The following BCAS3 variants were observed in gnomAD, a reference collection of about 807,000 sequenced individuals.
The protein encoded by BCAS3 is BCAS3 microtubule associated cell migration factor, also known as BCAS4/BCAS3 fusion.
A neutral mutation model predicts 116.1 loss-of-function variants in BCAS3; 53 were observed. The ratio of observed to expected loss-of-function variants is 0.46; its 90% CI spans 0.37 to 0.57. The LOEUF (loss-of-function observed/expected upper bound fraction) is 0.57, where lower values mean the gene tolerates loss of function less well. BCAS3 is among the 20% of genes least tolerant of loss of function. The pLI is 0.00. For synonymous variants in BCAS3, 391 were observed against 408.2 expected, an observed-to-expected ratio of 0.96 and a Z score of 0.51; for missense variants, 917 against 1,165.4, an observed-to-expected ratio of 0.79 and a Z score of 3.10.
At position 61,368,477 on chromosome 17, in the gene BCAS3, T is replaced by A; in HGVS notation, c.2576T>A (p.Val859Asp). Residue 859 changes from valine to aspartate, a missense_variant, in exon 23 of 24, where the codon GTC becomes GAC. Val to Asp is a radical substitution (Grantham distance 152). Around this residue, in one of 3 missense-constraint regions of BCAS3, gnomAD observed 109 missense variants for 122.8 expected, o/e 0.89. Coordinates refer to ENST00000407086, the MANE Select transcript of BCAS3 (RefSeq NM_017679.5). This position sits in a 1 kb window ranked among gnomAD's most constrained non-coding sequence, Gnocchi z 6.0. ...DAMAESPSRD[V>D]VGSGTELQRE... ...ATGGCCGAGTCACCTAGCCGGGACG[T>A]CGTGGGATCCGGAACAGGTAAAGGT... 6.2e-7 allele frequency: 1 copy of A among 1,607,610 alleles called. No homozygotes were observed. Among genetic ancestry groups the A allele is most frequent in the South Asian group, 1.1e-5 (1 of 90,820 alleles).
chr17:61,236,445 G>T (rs148801755), intron 22 of BCAS3, among the ~76,000 whole-genome samples: 2 of 152,210 alleles, frequency 1.3e-5, no homozygotes, highest in East Asian at 3.9e-4. Context: ...TCAGCCTCCT[G>T]AATAGCTGGG....
intron 7 of BCAS3, among the ~76,000 whole-genome samples, chr17:60,834,740 G>A (rs1311236728): frequency 6.6e-6 from 1 of 151,806 alleles, no homozygotes; most frequent in Non-Finnish European, 1.5e-5. Context: ...CTATGGTTGT[G>A]TGTATCTGTT....
intron 3 of BCAS3, among the ~76,000 whole-genome samples, chr17:60,688,355 A>G (rs2034362272): frequency 6.6e-6 from 1 of 152,054 alleles, no homozygotes; most frequent in South Asian, 2.1e-4. Context: ...GCTGGAGTAC[A>G]GTGGCACTAT....
intron 8 of BCAS3, among the ~76,000 whole-genome samples, chr17:60,872,461 A>AC: frequency 6.6e-6 from 1 of 150,578 alleles, no homozygotes; most frequent in South Asian, 2.1e-4. Flanking sequence ...ATACACACAC[A>AC]CCCCATATAT....
Position 61,140,798 on chromosome 17 carries a change from C to G in BCAS3, c.2425+56234C>G, listed in dbSNP as rs554101702. On this transcript the variant is annotated intron_variant, in intron 22 of 23. Coordinates refer to ENST00000407086, the MANE Select transcript of BCAS3 (RefSeq NM_017679.5). This position sits in a 1 kb window ranked among gnomAD's most constrained non-coding sequence, Gnocchi z 4.2. The stretch of plus-strand genomic sequence containing the variant: ...ATGTTCTTTTCCTTATGAAATGACT[C>G]TATGACTTTGGGCACATTACAGATT... Among the ~76,000 whole-genome samples, 2 of 152,152 alleles carry G rather than the reference C, an allele frequency of 1.3e-5. No homozygotes were observed. Among genetic ancestry groups the G allele is most frequent in the Non-Finnish European group, 1.5e-5 (1 of 68,034 alleles).
chr17:60,795,716 G>A (rs2047156129), intron 6 of BCAS3, among the ~76,000 whole-genome samples: 1 of 152,146 alleles, frequency 6.6e-6, no homozygotes, highest in South Asian at 2.1e-4. Flanking sequence ...GTTTGGCGGA[G>A]TCTCGCTGTG....
rs1007688279 is a variant in BCAS3 at position 61,097,535 on chromosome 17, G to A, written c.2425+12971G>A. 6.6e-6 allele frequency among the ~76,000 whole-genome samples: 1 copy of A among 152,168 alleles called. No individual in the cohort carries two copies. Among genetic ancestry groups the A allele is most frequent in the Non-Finnish European group, 1.5e-5 (1 of 68,036 alleles). On this transcript the variant is annotated intron_variant, in intron 22 of 23. Coordinates refer to ENST00000407086, the MANE Select transcript of BCAS3 (RefSeq NM_017679.5). This position sits in a 1 kb window ranked among gnomAD's most constrained non-coding sequence, Gnocchi z 4.0. ...TTTGATAAAAAGAGAAATTGGAAAA[G>A]TAGCAGGGTGATTTTTAAGTTTCCT...
At position 61,041,748 on chromosome 17, in the gene BCAS3, CAG is replaced by C. The variant is rs1387027804; in HGVS notation, c.2029+858_2029+859del. The stretch of plus-strand genomic sequence containing the variant: ...AATGTGCTATATATTATACTGGAAA[CAG>C]AAATATTTTATAGACTTTGCTCTCA... On this transcript the variant is annotated intron_variant, in intron 19 of 23. Coordinates refer to ENST00000407086, the MANE Select transcript of BCAS3 (RefSeq NM_017679.5). This position sits in a 1 kb window ranked among gnomAD's most constrained non-coding sequence, Gnocchi z 4.7. Among the ~76,000 whole-genome samples the C allele has an allele frequency of 4.6e-5, 7 of 151,928 alleles. No individual in the cohort carries two copies. The highest frequency in any genetic ancestry group is 9.7e-5 in the African/African-American group (4 of 41,412).
chr17:61,177,720 C>T (rs1407446576), intron 22 of BCAS3, among the ~76,000 whole-genome samples: 2 of 152,152 alleles, frequency 1.3e-5, no homozygotes, highest in Admixed American at 1.3e-4. Context: ...ATTAAACTAT[C>T]AAAATATATT....
intron 23 of BCAS3, among the ~76,000 whole-genome samples, chr17:61,373,092 CTT>C (rs34754126): frequency 0.03 from 4,324 of 145,366 alleles, 204 homozygotes; most frequent in African/African-American, 0.1. Flanking sequence ...TAAAGTATTC[CTT>C]TTTTTTTTTT....
intron 16 of BCAS3, 142 bp downstream of exon 16, chr17:61,016,043 T>A (rs954340186): frequency 5.6e-6 from 5 of 887,916 alleles, no homozygotes; most frequent in Non-Finnish European, 8.6e-6. Flanking sequence ...TCAGATTAAG[T>A]ACAAAGCATA....
At position 60,981,310 on chromosome 17, in the gene BCAS3, C is replaced by T. The variant is rs534462605; in HGVS notation, c.1222-8661C>T. Among the ~76,000 whole-genome samples the T allele has an allele frequency of 1.9e-3, 282 of 151,368 alleles. 1 individual carries two copies. Among genetic ancestry groups the T allele is most frequent in the Non-Finnish European group, 3.2e-3 (216 of 67,850 alleles). ...TTTTTTTTTTCTTGAGACAGGGTCT[C>T]GCTCTGTCACCCAGGCTGGAGTGCA... On this transcript the variant is annotated intron_variant, in intron 14 of 23. Coordinates refer to ENST00000407086, the MANE Select transcript of BCAS3 (RefSeq NM_017679.5).
At chr17:61,257,478 C>T (rs941700827) in intron 22 of BCAS3, among the ~76,000 whole-genome samples, 11 of 149,840 alleles carry the variant, frequency 7.3e-5, no homozygotes, top group South Asian at 4.2e-4. Flanking sequence ...TGTCTTCAGT[C>T]GTTTCTTCAA....
intron 22 of BCAS3, among the ~76,000 whole-genome samples, chr17:61,119,628 A>G (rs2075679174): frequency 6.6e-6 from 1 of 152,086 alleles, no homozygotes; most frequent in African/African-American, 2.4e-5. Context: ...AGAGGCAATC[A>G]TACTAAAACC....
rs1049795781 is a variant in BCAS3, at chr17:61,244,818, G to A, written c.2426-123509G>A. Among the ~76,000 whole-genome samples, 2 of 152,058 alleles carry A rather than the reference G, an allele frequency of 1.3e-5. No individual in the cohort carries two copies. The highest frequency in any genetic ancestry group is 1.9e-4 in the East Asian group (1 of 5,184). On this transcript the variant is annotated intron_variant, in intron 22 of 23. Transcript: ENST00000407086. This position sits in a 1 kb window ranked among gnomAD's most constrained non-coding sequence, Gnocchi z 4.9. ...GCAGAGCTTGCAGTGAGCCGAGATC[G>A]CGCCACTGTACCCCAGCCTGAGCAA...
intron 22 of BCAS3, among the ~76,000 whole-genome samples, chr17:61,253,209 A>C (rs1486514482): frequency 1.3e-5 from 2 of 151,222 alleles, no homozygotes; most frequent in South Asian, 4.2e-4. Context: ...CTACTTGCCT[A>C]ACTGTTCTAT....
intron 5 of BCAS3, among the ~76,000 whole-genome samples, chr17:60,732,636 CA>C (rs1424749482): frequency 6.6e-6 from 1 of 152,002 alleles, no homozygotes; most frequent in Non-Finnish European, 1.5e-5. Context: ...GTCAAGAGAT[CA>C]AGACCATCCT....
At chr17:60,735,816 A>G (rs1384574548) in intron 5 of BCAS3, among the ~76,000 whole-genome samples, 1 of 150,996 alleles carries the variant, frequency 6.6e-6, no homozygotes, top group Non-Finnish European at 1.5e-5. Context: ...GTTTCTGAGG[A>G]GTTTTTTTCT....
chr17:61,191,727 A>G (rs1289521584), intron 22 of BCAS3, among the ~76,000 whole-genome samples: 2 of 151,450 alleles, frequency 1.3e-5, no homozygotes, highest in Non-Finnish European at 2.9e-5. Flanking sequence ...GTGAGCCGAG[A>G]TCGCACCATT....
Sources: gnomAD v4.1 joint callset for allele counts (sites outside exome capture counted in the v4.1 genomes callset) on GRCh38, gnomAD v4.1.1 for gene constraint, gnomAD v4.1.1 regional missense constraint, Gnocchi (gnomAD v3.1) non-coding constraint, MANE v1.5 for transcripts, NCBI Gene and HGNC (gene_info 2026-07-23, HGNC 2026-07-21) for gene names.